QPCT: variants seen among roughly 807,000 people sequenced by gnomAD.
QPCT encodes glutaminyl-peptide cyclotransferase.
QPCT carries 44 observed loss-of-function variants against 43.4 expected under a neutral mutation model. The observed-to-expected ratio is 1.01, with a 90% CI of 0.80 to 1.30. QPCT has a LOEUF of 1.30. QPCT is among the 50% of genes most tolerant of loss of function. QPCT has a pLI of 0.00. For missense variants in QPCT, 526 were observed against 436.5 expected (o/e 1.21, Z -1.83); for synonymous variants, 168 against 168.4 (o/e 1.00, Z 0.02).
intron 3 of QPCT, among the ~76,000 whole-genome samples, chr2:37,361,640 G>A (rs537332412): frequency 2.6e-5 from 4 of 152,326 alleles, no homozygotes; most frequent in African/African-American, 9.6e-5. Context: ...AACCAACCTT[G>A]CTGACTGCAC....
Position 37,359,862 on chromosome 2 carries a change from T to A in QPCT, c.546+4T>A, listed in dbSNP as rs1373546418. 8.1e-6 allele frequency: 13 copies of A among 1,612,844 alleles called. No homozygotes were observed. Among genetic ancestry groups the A allele is most frequent in the Non-Finnish European group, 9.3e-6 (11 of 1,178,998 alleles). ...CAAGAAACTCCTTTCCTTAAAGGTA[T>A]CTGTTTTCTGCTTATTGATTCCTAG... On this transcript the variant is annotated splice_donor_region_variant and intron_variant, in intron 3 of 6. Transcript: ENST00000338415.
chr2:37,344,935 A>G, intron 1 of QPCT, 84 bp downstream of exon 1: 2 of 1,452,672 alleles, frequency 1.4e-6, no homozygotes, highest in Admixed American at 5.2e-5. Flanking sequence ...CTACCTAGGC[A>G]GAGCGGGAGG....
intron 3 of QPCT, among the ~76,000 whole-genome samples, chr2:37,360,554 A>C (rs1558604351): frequency 6.6e-6 from 1 of 152,198 alleles, no homozygotes; most frequent in African/African-American, 2.4e-5. Context: ...CAAAGCAAAA[A>C]CAAAAAACTT....
At chr2:37,365,530 A>G (rs1245759099) in intron 3 of QPCT, among the ~76,000 whole-genome samples, 3 of 152,236 alleles carry the variant, frequency 2.0e-5, no homozygotes, top group African/African-American at 4.8e-5. Context: ...AAATGGGATT[A>G]CAAAATTGGG....
At position 37,352,805 on chromosome 2, in the gene QPCT, C is replaced by A; in HGVS notation, c.137C>A (p.Ala46Asp). The change falls in exon 2 of 7, where the codon GCC (alanine) becomes GAC (aspartate). Residue 46 changes from alanine (A) to aspartate (D), a missense_variant. By Grantham distance (126) the Ala-to-Asp change is moderately radical. Transcript: ENST00000338415. ...WPEEKNYHQPAILNSSALRQI... is the reference protein window; with the variant it reads ...WPEEKNYHQPDILNSSALRQI... ...AATCCTCAGAATTACCACCAGCCAG[C>A]CATTTTGAATTCATCGGCTCTTCGG... 1 of 1,613,964 alleles carries A rather than the reference C, an allele frequency of 6.2e-7. No homozygotes were observed. Among genetic ancestry groups the A allele is most frequent in the South Asian group, 1.1e-5 (1 of 91,054 alleles).
intron 5 of QPCT, 85 bp from the exon 6 acceptor site, chr2:37,372,271 T>C: frequency 9.9e-7 from 1 of 1,007,832 alleles, no homozygotes; most frequent in Non-Finnish European, 1.6e-6. Flanking sequence ...TGTGCTAAGA[T>C]TTCAAACTCC....
chr2:37,347,239 T>TAAC, intron 1 of QPCT, among the ~76,000 whole-genome samples: 3 of 126,112 alleles, frequency 2.4e-5, no homozygotes, highest in East Asian at 2.4e-4. Flanking sequence ...AACATATATA[T>TAAC]ATATATAACA....
intron 2 of QPCT, among the ~76,000 whole-genome samples, chr2:37,358,133 C>T (rs1672785737): frequency 6.7e-6 from 1 of 150,336 alleles, no homozygotes; most frequent in Non-Finnish European, 1.5e-5. Context: ...AAGAAACAGC[C>T]TGGGCATGGT....
chr2:37,350,904 C>T (rs1672605965), intron 1 of QPCT, among the ~76,000 whole-genome samples: 1 of 152,166 alleles, frequency 6.6e-6, no homozygotes, highest in African/African-American at 2.4e-5. Flanking sequence ...CTCTGTTTTA[C>T]AGATGAGGAA....
At chr2:37,351,628 T>A (rs1224210685) in intron 1 of QPCT, among the ~76,000 whole-genome samples, 1 of 152,138 alleles carries the variant, frequency 6.6e-6, no homozygotes, top group Admixed American at 6.5e-5. Flanking sequence ...ATGCCTGTAA[T>A]CCCAGCACTT....
At chr2:37,351,011 T>C (rs1434671743) in intron 1 of QPCT, among the ~76,000 whole-genome samples, 1 of 152,192 alleles carries the variant, frequency 6.6e-6, no homozygotes, top group Non-Finnish European at 1.5e-5. Context: ...GTCTGTCTGA[T>C]CCTATAGCCC....
intron 3 of QPCT, among the ~76,000 whole-genome samples, chr2:37,363,868 T>A (rs1672904914): frequency 1.3e-5 from 2 of 152,018 alleles, no homozygotes; most frequent in South Asian, 4.1e-4. Flanking sequence ...AAATTAAAAT[T>A]TCTATTTTCA....
At chr2:37,367,949 A>T (rs559601998) in intron 4 of QPCT, among the ~76,000 whole-genome samples, 2 of 152,332 alleles carry the variant, frequency 1.3e-5, no homozygotes, top group South Asian at 4.1e-4. Context: ...TCATGTAAAA[A>T]ATTGGATTAC....
rs751792870 is a variant in QPCT at position 37,367,381 on chromosome 2, G to A, written c.696G>A (p.Ala232=). The change falls in exon 4 of 7, where the codon GCG becomes GCA. Residue 232 remains alanine, a synonymous_variant. Coordinates refer to ENST00000338415, the MANE Select transcript of QPCT (RefSeq NM_012413.4). The part of the protein sequence containing the change: ...KMASTPHPPG[A]RGTSQLHGMD... ...CATCGACCCCGCACCCACCTGGAGC[G>A]AGAGGCACCAGCCAACTGCATGGCA... 13 of 1,613,672 alleles carry A rather than the reference G, an allele frequency of 8.1e-6. No homozygotes were observed. Among genetic ancestry groups the A allele is most frequent in the South Asian group, 1.1e-5 (1 of 91,068 alleles).
chr2:37,353,044 T>G, intron 2 of QPCT, 109 bp downstream of exon 2: 1 of 1,289,216 alleles, frequency 7.8e-7, no homozygotes, highest in Non-Finnish European at 1.0e-6. Context: ...ATCTGTCATC[T>G]CCTCATTCAC....
intron 4 of QPCT, chr2:37,368,484 T>A (rs565404259): frequency 2.4e-6 from 1 of 416,742 alleles, no homozygotes; most frequent in Non-Finnish European, 5.0e-6. Context: ...TGTGAACTGA[T>A]AGCTTATTCC....
At chr2:37,359,919 A>G in intron 3 of QPCT, 61 bp downstream of exon 3, 2 of 1,523,234 alleles carry the variant, frequency 1.3e-6, no homozygotes, top group Non-Finnish European at 1.8e-6. Context: ...CTCAGAGTGA[A>G]TTCTAGAATC....
At chr2:37,362,177 C>G (rs947349167) in intron 3 of QPCT, among the ~76,000 whole-genome samples, 1 of 152,230 alleles carries the variant, frequency 6.6e-6, no homozygotes, top group African/African-American at 2.4e-5. Flanking sequence ...GAGATAAAAA[C>G]TATTTCCGTT....
At chr2:37,353,389 C>T (rs1427147633) in intron 2 of QPCT, among the ~76,000 whole-genome samples, 1 of 152,068 alleles carries the variant, frequency 6.6e-6, no homozygotes, top group Non-Finnish European at 1.5e-5. Flanking sequence ...CCGCATTTCT[C>T]CAGGGCAGTG....
Sources: allele counts gnomAD v4.1 joint callset (sites outside exome capture counted in the v4.1 genomes callset), GRCh38; gene constraint gnomAD v4.1.1; transcripts MANE v1.5; gene names NCBI Gene and HGNC (gene_info 2026-07-23, HGNC 2026-07-21).